Variants in TMEM232 observed in about 807,000 individuals in gnomAD.
TMEM232 encodes the protein transmembrane protein 232.
Under a neutral mutation model 78.8 loss-of-function variants are expected in TMEM232, and 80 were observed. The ratio of observed to expected loss-of-function variants is 1.01; its 90% CI spans 0.85 to 1.22. The LOEUF (loss-of-function observed/expected upper bound fraction) is 1.22. Among genes scored for constraint, TMEM232 ranks in the 50% most tolerant of loss-of-function variants. The pLI, the probability that TMEM232 is intolerant of heterozygous loss-of-function variation, is 0.00. For missense variants in TMEM232, 881 were observed against 742.2 expected (o/e 1.19, Z -2.17); for synonymous variants, 297 against 254.3 (o/e 1.17, Z -1.60).
chr5:110,643,643 T>A (rs1475667265), intron 2 of TMEM232, among the ~76,000 whole-genome samples: 2 of 152,014 alleles, frequency 1.3e-5, no homozygotes, highest in Non-Finnish European at 2.9e-5. Context: ...TTGGAAAGAA[T>A]AATCTGAAAA....
chr5:110,521,175 C>T (rs1018536675), intron 12 of TMEM232, among the ~76,000 whole-genome samples: 2 of 152,078 alleles, frequency 1.3e-5, no homozygotes, highest in African/African-American at 2.4e-5. Flanking sequence ...GACCTCTCAT[C>T]CCCCAAGACC....
intron 12 of TMEM232, among the ~76,000 whole-genome samples, chr5:110,425,705 C>T (rs1434461423): frequency 6.6e-6 from 1 of 152,000 alleles, no homozygotes; most frequent in African/African-American, 2.4e-5. Flanking sequence ...TCCCAATTAC[C>T]TTCATCTCCA....
intron 1 of TMEM232, among the ~76,000 whole-genome samples, chr5:110,719,581 T>C (rs1004074660): frequency 4.6e-5 from 7 of 152,138 alleles, no homozygotes; most frequent in African/African-American, 9.7e-5. Context: ...AGGGAATATA[T>C]TGTAGCAATT....
intron 12 of TMEM232, among the ~76,000 whole-genome samples, chr5:110,432,599 C>T (rs1757982383): frequency 6.6e-6 from 1 of 151,652 alleles, no homozygotes; most frequent in South Asian, 2.1e-4. Context: ...TAGCTAACAA[C>T]ACTATGAAAG....
At chr5:110,410,583 T>C (rs1580574404) in intron 2 of TMEM232, among the ~76,000 whole-genome samples, 1 of 152,234 alleles carries the variant, frequency 6.6e-6, no homozygotes, top group Non-Finnish European at 1.5e-5. Flanking sequence ...TTAGTTCTTT[T>C]AGACAATGTT....
intron 2 of TMEM232, among the ~76,000 whole-genome samples, chr5:110,412,264 C>A (rs1756025171): frequency 6.6e-6 from 1 of 152,202 alleles, no homozygotes; most frequent in African/African-American, 2.4e-5. Context: ...CCTCTGACAG[C>A]AGGAGATAAT....
chr5:110,478,794 T>A (rs1179791765), intron 12 of TMEM232, among the ~76,000 whole-genome samples: 1 of 151,808 alleles, frequency 6.6e-6, no homozygotes, highest in African/African-American at 2.4e-5. Context: ...ACCACTGCTG[T>A]AATTACATTT....
chr5:110,420,577 T>C lies in TMEM232; in HGVS notation c.*3A>G, dbSNP rs1288526749. On this transcript the variant is annotated 3_prime_UTR_variant, in exon 14 of 14. Coordinates refer to ENST00000455884, the MANE Select transcript of TMEM232 (RefSeq NM_001039763.4). ...TTTTGGGAGGTGACATTTTCTTTTC[T>C]AATTAAATTACTTCCTTCCTATAAG... The C allele has an allele frequency of 6.9e-7, 1 of 1,451,022 alleles. No homozygotes were observed. The highest frequency in any genetic ancestry group is 1.5e-5 in the African/African-American group (1 of 67,390). The allele number at this position is 1,451,022 out of a possible 1,614,324, so 89.9% of individuals were successfully genotyped here.
chr5:110,398,561 C>T lies in TMEM232; in HGVS notation n.309-707G>A, dbSNP rs75052441. On this transcript the variant is annotated intron_variant and non_coding_transcript_variant, in intron 2 of 8. Transcript: ENST00000507188. ...CCCCTTAACCCATCAGCCCTGATGC[C>T]ACATGCTAGTTATCTTGGTTTACTT... 1.9e-3 allele frequency among the ~76,000 whole-genome samples: 294 copies of T among 152,196 alleles called. 3 individuals carry two copies. In the East Asian group the frequency reaches 0.027, roughly 14 times the overall value.
intron 10 of TMEM232, among the ~76,000 whole-genome samples, chr5:110,584,004 G>A (rs116833564): frequency 1.0e-3 from 149 of 149,730 alleles, no homozygotes; most frequent in African/African-American, 3.5e-3. Flanking sequence ...GACAAGTGTC[G>A]GCAGGGTTGT....
chr5:110,734,892 A>G (rs1170927172), intron 2 of TMEM232: 1 of 152,188 alleles, frequency 6.6e-6, no homozygotes, highest in African/African-American at 2.4e-5. Flanking sequence ...TTCACCTTTT[A>G]AAATACTTAC....
intron 12 of TMEM232, among the ~76,000 whole-genome samples, chr5:110,500,030 G>A (rs1462965734): frequency 2.0e-5 from 3 of 152,128 alleles, no homozygotes; most frequent in African/African-American, 7.2e-5. Context: ...GGTGGCTCAC[G>A]CCTGTAATCC....
chr5:110,558,541 G>T (rs1305058223), intron 11 of TMEM232, among the ~76,000 whole-genome samples: 1 of 152,102 alleles, frequency 6.6e-6, no homozygotes, highest in Non-Finnish European at 1.5e-5. Flanking sequence ...TGCACTGCAA[G>T]TGAGTGTGGT....
chr5:110,620,621 CTCTCTCTCT>C (rs1783551871), intron 7 of TMEM232, among the ~76,000 whole-genome samples: 1 of 117,266 alleles, frequency 8.5e-6, no homozygotes, highest in Non-Finnish European at 1.8e-5. Context: ...CTCTCTCTCT[CTCTCTCTCT>C]CTCTCTCTCC....
intron 12 of TMEM232, among the ~76,000 whole-genome samples, chr5:110,506,422 T>C (rs547271318): frequency 1.3e-5 from 2 of 152,306 alleles, no homozygotes; most frequent in South Asian, 2.1e-4. Context: ...AGAATCTAAA[T>C]GCAAATGGAC....
chr5:110,523,345 G>C (rs956495264), intron 12 of TMEM232, among the ~76,000 whole-genome samples: 10 of 150,346 alleles, frequency 6.7e-5, no homozygotes, highest in Admixed American at 2.6e-4. Flanking sequence ...ACTAACTTTT[G>C]ACTCTTTCTT....
chr5:110,696,544 C>T lies in TMEM232; in HGVS notation c.-12-29180G>A, dbSNP rs533283491. 3.1e-3 allele frequency among the ~76,000 whole-genome samples: 478 copies of T among 152,254 alleles called. 3 individuals carry two copies. The highest frequency in any genetic ancestry group is 0.011 in the African/African-American group (455 of 41,546). On this transcript the variant is annotated intron_variant, in intron 1 of 13. Transcript: ENST00000455884. Reference sequence around the variant, plus strand: ...GTTTGCAGATGACATGATTGTATATCTAGAAAACCCCATAGTCTCAGCCCA... The same window carrying T: ...GTTTGCAGATGACATGATTGTATATTTAGAAAACCCCATAGTCTCAGCCCA...
At chr5:110,533,334 A>C (rs1330927747) in intron 11 of TMEM232, among the ~76,000 whole-genome samples, 2 of 152,016 alleles carry the variant, frequency 1.3e-5, no homozygotes, top group Non-Finnish European at 2.9e-5. Flanking sequence ...AATCTCCCAA[A>C]CCTCAATCCC....
At chr5:110,626,532 G>T (rs1011756573) in intron 6 of TMEM232, among the ~76,000 whole-genome samples, 1 of 151,572 alleles carries the variant, frequency 6.6e-6, no homozygotes, top group Non-Finnish European at 1.5e-5. Context: ...TCTTTATCTT[G>T]AGCCTCTCCT....
Sources: gnomAD v4.1 joint callset for allele counts (sites outside exome capture counted in the v4.1 genomes callset) on GRCh38, gnomAD v4.1.1 for gene constraint, MANE v1.5 for transcripts, NCBI Gene and HGNC (gene_info 2026-07-23, HGNC 2026-07-21) for gene names.